Variants in MACROD2 observed in about 807,000 individuals in gnomAD.
MACROD2 encodes the protein mono-ADP ribosylhydrolase 2.
Under a neutral mutation model 70.4 loss-of-function variants are expected in MACROD2, and 36 were observed. That is an observed-to-expected ratio of 0.51 (90% CI 0.39 to 0.68). MACROD2 has a LOEUF of 0.68. Among genes scored for constraint, MACROD2 ranks in the 30% least tolerant of loss-of-function variants. MACROD2 has a pLI of 0.00. For synonymous variants in MACROD2, 172 were observed against 178.8 expected (o/e 0.96, Z 0.30); for missense variants, 496 against 538.4 (o/e 0.92, Z 0.78).
At chr20:14,241,565 T>C (rs1350267512) in intron 3 of MACROD2, among the ~76,000 whole-genome samples, 2 of 152,132 alleles carry the variant, frequency 1.3e-5, no homozygotes, top group African/African-American at 4.8e-5. Context: ...TATGTATATA[T>C]ATGTAAAACA....
chr20:14,051,705 T>C (rs2053569823), intron 2 of MACROD2: 1 of 348,012 alleles, frequency 2.9e-6, no homozygotes, highest in Admixed American at 4.0e-5. Context: ...ACAAAGAGAA[T>C]TATAAATTCA....
chr20:15,150,356 C>A (rs1468168116), intron 5 of MACROD2, among the ~76,000 whole-genome samples: 1 of 151,816 alleles, frequency 6.6e-6, no homozygotes, highest in Non-Finnish European at 1.5e-5. Flanking sequence ...GTATTGAGGA[C>A]AAAAGAGTGT....
In MACROD2 at chr20:15,405,592, G is replaced by A. The variant is rs34595106; in HGVS notation, c.541-25813G>A. 3.3e-3 allele frequency among the ~76,000 whole-genome samples: 501 copies of A among 152,178 alleles called. 1 individual carries two copies. Among genetic ancestry groups the A allele is most frequent in the Non-Finnish European group, 5.0e-3 (337 of 68,002 alleles). On this transcript the variant is annotated intron_variant, in intron 6 of 17. Coordinates refer to ENST00000684519, the MANE Select transcript of MACROD2 (RefSeq NM_001351661.2). ...GCTCTAGCTTTGTCCCAGTCTTGTC[G>A]CCTTCTCCACCATGGGGACTTTGCA...
rs556211411 is a variant in MACROD2 at position 15,027,444 on chromosome 20, G to T, written c.419-202496G>T. On this transcript the variant is annotated intron_variant, in intron 5 of 17. Transcript: ENST00000684519. ...ATGAGTGTGTGGTCTGGAGCCAAAT[G>T]GCTGTTTGAATTACAGCTCTACTAT... is the stretch of plus-strand genomic sequence containing the variant. Among the ~76,000 whole-genome samples the T allele has an allele frequency of 4.6e-5, 7 of 152,170 alleles. No individual in the cohort carries two copies. The South Asian group carries it at 8.3e-4, about 18-fold the overall frequency.
intron 8 of MACROD2, among the ~76,000 whole-genome samples, chr20:15,726,152 GT>G (rs2050859415): frequency 6.6e-6 from 1 of 152,054 alleles, no homozygotes; most frequent in South Asian, 2.1e-4. Flanking sequence ...TAAATGTTTA[GT>G]TTCCACTTAT....
intron 8 of MACROD2, among the ~76,000 whole-genome samples, chr20:15,770,096 T>TA (rs1427630235): frequency 1.3e-3 from 131 of 97,980 alleles, no homozygotes; most frequent in African/African-American, 4.4e-3. Flanking sequence ...TTTCTTTTTT[T>TA]TTTTTTTTTT....
rs79390993 is a variant in MACROD2, at chr20:15,063,325, A to G, written c.419-166615A>G. On this transcript the variant is annotated intron_variant, in intron 5 of 17. Coordinates refer to ENST00000684519, the MANE Select transcript of MACROD2 (RefSeq NM_001351661.2). ...CTTCAACTCCCTCTCCTATAATTCAATTACAATTTTGCTTCCTGCTTCTTT... is the reference window on the plus strand; with the variant it reads ...CTTCAACTCCCTCTCCTATAATTCAGTTACAATTTTGCTTCCTGCTTCTTT... Among the ~76,000 whole-genome samples the G allele has an allele frequency of 1.0e-3, 159 of 152,336 alleles. 3 individuals are homozygous for G. The East Asian group carries it at 0.025, about 24-fold the overall frequency.
At chr20:15,192,235 G>A (rs949048708) in intron 5 of MACROD2, among the ~76,000 whole-genome samples, 3 of 151,576 alleles carry the variant, frequency 2.0e-5, no homozygotes, top group African/African-American at 7.3e-5. Context: ...CTCATTGTTT[G>A]TACATGTAAC....
chr20:14,604,886 G>T (rs535550026), intron 4 of MACROD2, among the ~76,000 whole-genome samples: 1 of 152,242 alleles, frequency 6.6e-6, no homozygotes, highest in African/African-American at 2.4e-5. Flanking sequence ...AAGGGGCCAG[G>T]AAAATAAATG....
chr20:15,816,019 C>T (rs1285175927), intron 8 of MACROD2, among the ~76,000 whole-genome samples: 1 of 151,878 alleles, frequency 6.6e-6, no homozygotes, highest in African/African-American at 2.4e-5. Context: ...TCTCCGTCTC[C>T]CTCTGCGTGT....
intron 8 of MACROD2, among the ~76,000 whole-genome samples, chr20:15,597,176 G>A (rs1381762511): frequency 3.3e-5 from 5 of 152,202 alleles, no homozygotes; most frequent in African/African-American, 9.7e-5. Flanking sequence ...AAGGAGGAGA[G>A]GTGGAGAAAG....
At chr20:14,390,253 G>A (rs989144037) in intron 3 of MACROD2, among the ~76,000 whole-genome samples, 5 of 152,158 alleles carry the variant, frequency 3.3e-5, no homozygotes, top group South Asian at 2.1e-4. Flanking sequence ...GAGATGACAC[G>A]AACAAATGGG....
chr20:15,000,342 G>A (rs576802230), intron 5 of MACROD2, among the ~76,000 whole-genome samples: 3 of 131,470 alleles, frequency 2.3e-5, no homozygotes, highest in South Asian at 2.2e-4. Context: ...AGGTAGAAAC[G>A]GCCGGGCGCG....
intron 8 of MACROD2, among the ~76,000 whole-genome samples, chr20:15,839,232 T>C (rs2064145671): frequency 6.6e-6 from 1 of 152,118 alleles, no homozygotes; most frequent in Non-Finnish European, 1.5e-5. Context: ...ATTACACTTG[T>C]GAGCAAGGAC....
intron 3 of MACROD2, among the ~76,000 whole-genome samples, chr20:14,297,197 C>T (rs1466072884): frequency 2.0e-5 from 3 of 151,796 alleles, no homozygotes; most frequent in African/African-American, 7.3e-5. Context: ...CTTCCCTCTT[C>T]CCTGAGACAC....
At chr20:15,972,933 ATTAT>A (rs1325369510) in intron 13 of MACROD2, among the ~76,000 whole-genome samples, 2 of 152,188 alleles carry the variant, frequency 1.3e-5, no homozygotes, top group African/African-American at 4.8e-5. Flanking sequence ...GAAAGCATAT[ATTAT>A]TTATTATATA....
At chr20:14,504,217 G>A (rs1163680515) in intron 4 of MACROD2, among the ~76,000 whole-genome samples, 1 of 152,172 alleles carries the variant, frequency 6.6e-6, no homozygotes, top group African/African-American at 2.4e-5. Flanking sequence ...AAGAAATAAT[G>A]GTAATAACTA....
intron 8 of MACROD2, among the ~76,000 whole-genome samples, chr20:15,720,498 A>C (rs537859563): frequency 6.6e-6 from 1 of 152,324 alleles, no homozygotes; most frequent in East Asian, 1.9e-4. Flanking sequence ...CCAGGGTTTC[A>C]ATTGATAGAA....
At chr20:15,026,505 AT>A (rs1325957401) in intron 5 of MACROD2, among the ~76,000 whole-genome samples, 1 of 150,506 alleles carries the variant, frequency 6.6e-6, no homozygotes, top group Non-Finnish European at 1.5e-5. Flanking sequence ...AATAATATAT[AT>A]AAATATATTT....
Sources: allele counts gnomAD v4.1 joint callset (sites outside exome capture counted in the v4.1 genomes callset), GRCh38; gene constraint gnomAD v4.1.1; transcripts MANE v1.5; gene names NCBI Gene and HGNC (gene_info 2026-07-23, HGNC 2026-07-21).